Variants in NR3C2 observed in about 807,000 individuals in gnomAD.
NR3C2 encodes the protein nuclear receptor subfamily 3 group C member 2.
A neutral mutation model predicts 86.4 loss-of-function variants in NR3C2; 15 were observed. The observed-to-expected ratio is 0.17, with a 90% CI of 0.12 to 0.27. The LOEUF (loss-of-function observed/expected upper bound fraction) is 0.27. Ranked by LOEUF, NR3C2 falls within the 10% of genes least tolerant of loss-of-function variation. The probability of loss-of-function intolerance (pLI) is 1.00; values close to 1 mark genes in which losing one functional copy is unlikely to be tolerated. For synonymous variants in NR3C2, 458 were observed against 450.5 expected (o/e 1.02, Z -0.21); for missense variants, 960 against 1,195.6 (o/e 0.80, Z 2.91).
intron 4 of NR3C2, among the ~76,000 whole-genome samples, chr4:148,186,725 C>T (rs13103165): frequency 0.7 from 106,131 of 151,296 alleles, 37,542 homozygotes; most frequent in African/African-American, 0.79. Flanking sequence ...GCAGTATACA[C>T]TGCACCATAT....
chr4:148,424,094 A>G (rs1749414082), intron 2 of NR3C2, among the ~76,000 whole-genome samples: 1 of 152,242 alleles, frequency 6.6e-6, no homozygotes, highest in Non-Finnish European at 1.5e-5. Context: ...GTACATTGAT[A>G]ACAGAACTCA....
chr4:148,364,120 T>C (rs61762829), intron 2 of NR3C2, among the ~76,000 whole-genome samples: 46 of 152,364 alleles, frequency 3.0e-4, no homozygotes, highest in African/African-American at 1.1e-3. Flanking sequence ...ATTTATGATC[T>C]ATATAAGATT....
At chr4:148,363,792 C>T (rs1258788839) in intron 2 of NR3C2, among the ~76,000 whole-genome samples, 7 of 152,064 alleles carry the variant, frequency 4.6e-5, no homozygotes, top group African/African-American at 7.2e-5. Context: ...CGTGAGCCAC[C>T]GCGCCCAGCC....
chr4:148,412,125 G>A (rs776318184), intron 2 of NR3C2, among the ~76,000 whole-genome samples: 12 of 152,076 alleles, frequency 7.9e-5, no homozygotes, highest in African/African-American at 1.2e-4. Flanking sequence ...TCCTGGGGTC[G>A]CCATAGGGAC....
At chr4:148,183,985 C>T (rs764563047) in intron 4 of NR3C2, among the ~76,000 whole-genome samples, 3 of 151,690 alleles carry the variant, frequency 2.0e-5, no homozygotes, top group Admixed American at 1.3e-4. Flanking sequence ...AGTGAACTGC[C>T]GCAGGTATCT....
chr4:148,363,502 A>ATTTTTT (rs1414328296), intron 2 of NR3C2, among the ~76,000 whole-genome samples: 5 of 16,224 alleles, frequency 3.1e-4, no homozygotes, highest in South Asian at 3.4e-3. Context: ...CTTCTCATAG[A>ATTTTTT]TCTCTTTTTT....
chr4:148,220,640 T>C (rs913839242), intron 3 of NR3C2, among the ~76,000 whole-genome samples: 6 of 152,106 alleles, frequency 3.9e-5, no homozygotes, highest in African/African-American at 1.2e-4. Flanking sequence ...ACGCTGTCTC[T>C]ACAATTAAAA....
intron 2 of NR3C2, among the ~76,000 whole-genome samples, chr4:148,376,171 G>A (rs552138979): frequency 3.5e-5 from 5 of 143,304 alleles, no homozygotes; most frequent in South Asian, 2.2e-4. Context: ...AACCCACGAC[G>A]ACTGGGCATT....
At chr4:148,136,750 G>C (rs1733365880) in intron 6 of NR3C2, among the ~76,000 whole-genome samples, 1 of 151,972 alleles carries the variant, frequency 6.6e-6, no homozygotes, top group Non-Finnish European at 1.5e-5. Flanking sequence ...AGATTCGAGG[G>C]GTTCTCCTGC....
intron 8 of NR3C2, among the ~76,000 whole-genome samples, chr4:148,081,844 A>ATCTT (rs1174187431): frequency 2.0e-5 from 3 of 152,182 alleles, no homozygotes; most frequent in Non-Finnish European, 4.4e-5. Context: ...CTACACGTGT[A>ATCTT]TCTTTGTATT....
chr4:148,256,420 A>G (rs1037574716), intron 3 of NR3C2, among the ~76,000 whole-genome samples: 7 of 152,240 alleles, frequency 4.6e-5, no homozygotes, highest in Admixed American at 1.3e-4. Flanking sequence ...CATAGAGGAT[A>G]GTAATAATCT....
chr4:148,189,671 AT>A, intron 4 of NR3C2, among the ~76,000 whole-genome samples: 1 of 152,098 alleles, frequency 6.6e-6, no homozygotes, highest in Non-Finnish European at 1.5e-5. Context: ...TTTGTTGACA[AT>A]TTTTTAGTTA....
intron 8 of NR3C2, among the ~76,000 whole-genome samples, chr4:148,108,481 C>T (rs1387810256): frequency 1.3e-5 from 2 of 152,184 alleles, no homozygotes; most frequent in Admixed American, 6.5e-5. Flanking sequence ...TTCTGTACCA[C>T]CAGATTTCTG....
Position 148,435,547 on chromosome 4 carries a change from G to A in NR3C2, c.1314C>T (p.Gly438=). 5 of 1,614,080 alleles carry A rather than the reference G, an allele frequency of 3.1e-6. No homozygotes were observed. The South Asian group carries it at 5.5e-5, about 18-fold the overall frequency. ...CTGTTGGATTCCCTTTAAAAGAGGT[G>A]CCTGAACATGAATGCTTGGTTGATT... The part of the protein sequence containing the change: ...KQESTKHSCS[G]TSFKGNPTVN... The change falls in exon 2 of 9, where the codon GGC becomes GGT. Residue 438 remains glycine (G), a synonymous_variant. Coordinates refer to ENST00000358102, the MANE Select transcript of NR3C2 (RefSeq NM_000901.5).
At chr4:148,305,013 C>T (rs1418193455) in intron 2 of NR3C2, among the ~76,000 whole-genome samples, 3 of 137,772 alleles carry the variant, frequency 2.2e-5, no homozygotes, top group Non-Finnish European at 3.2e-5. Flanking sequence ...TTTAGCTGAA[C>T]TAACGAGTTA....
At chr4:148,393,372 G>C (rs972561032) in intron 2 of NR3C2, among the ~76,000 whole-genome samples, 1 of 152,196 alleles carries the variant, frequency 6.6e-6, no homozygotes, top group African/African-American at 2.4e-5. Flanking sequence ...AACTGCGCTT[G>C]CCAGCAAATA....
intron 8 of NR3C2, among the ~76,000 whole-genome samples, chr4:148,106,540 G>T (rs184247904): frequency 2.4e-4 from 36 of 152,222 alleles, no homozygotes; most frequent in Admixed American, 2.4e-3. Flanking sequence ...AACCAAAAAA[G>T]AGCCCGTATA....
rs545414871 is a variant in NR3C2 at position 148,225,075 on chromosome 4, C to G, written c.1898-30213G>C. Among the ~76,000 whole-genome samples the G allele has an allele frequency of 2.0e-4, 30 of 152,206 alleles. 1 individual carries two copies. In the East Asian group the frequency reaches 5.8e-3, roughly 29 times the overall value. ...GTAAGAACTGGAACTTTAAATCTTC[C>G]CTGGACAAACTAGAAGACATGAAAA... On this transcript the variant is annotated intron_variant, in intron 3 of 8. Transcript: ENST00000358102.
At chr4:148,275,496 T>C (rs942167872) in intron 2 of NR3C2, among the ~76,000 whole-genome samples, 1 of 152,056 alleles carries the variant, frequency 6.6e-6, no homozygotes, top group Non-Finnish European at 1.5e-5. Context: ...AATGACGTGA[T>C]CACGGCTTAC....
Sources: gnomAD v4.1 joint callset for allele counts (sites outside exome capture counted in the v4.1 genomes callset) on GRCh38, gnomAD v4.1.1 for gene constraint, MANE v1.5 for transcripts, NCBI Gene and HGNC (gene_info 2026-07-23, HGNC 2026-07-21) for gene names.